Variants in BCO1 observed in about 807,000 individuals in gnomAD.
The protein encoded by BCO1 is beta-carotene oxygenase 1.
A neutral mutation model predicts 56.3 loss-of-function variants in BCO1; 54 were observed. The observed-to-expected ratio is 0.96, with a 90% confidence interval of 0.77 to 1.20. The LOEUF is 1.20. Ranked by LOEUF, BCO1 falls within the 50% of genes most tolerant of loss-of-function variation. The pLI is 0.00. For missense variants in BCO1, 801 were observed against 690.9 expected, an observed-to-expected ratio of 1.16 and a Z score of -1.79; for synonymous variants, 318 against 266.1, an observed-to-expected ratio of 1.20 and a Z score of -1.90.
chr16:81,290,788 A>C lies in BCO1; in HGVS notation c.*211A>C. ...TTGTTTGAAAGTCAAACATTTGAAC[A>C]TCAAATATGTATTGATTAGATCCAG... is the stretch of plus-strand genomic sequence containing the variant. On this transcript the variant is annotated 3_prime_UTR_variant, in exon 11 of 11. Transcript: ENST00000258168. 1 of 570,602 alleles carries C rather than the reference A, an allele frequency of 1.8e-6. No homozygotes were observed. Among genetic ancestry groups the C allele is most frequent in the East Asian group, 2.9e-5 (1 of 34,556 alleles). The allele number at this position is 570,602 out of a possible 1,614,324, so 35.3% of individuals were successfully genotyped here.
At chr16:81,282,672 C>T (rs1441841230) in intron 8 of BCO1, among the ~76,000 whole-genome samples, 2 of 151,838 alleles carry the variant, frequency 1.3e-5, no homozygotes, top group African/African-American at 4.8e-5. Flanking sequence ...CCACCACATC[C>T]CTTTTTTTTT....
intron 4 of BCO1, chr16:81,263,790 C>T (rs1300755912): frequency 6.6e-6 from 1 of 152,228 alleles, no homozygotes; most frequent in Non-Finnish European, 1.5e-5. Context: ...TTTCAATTTT[C>T]TCCAGCTGGC....
intron 7 of BCO1, among the ~76,000 whole-genome samples, chr16:81,271,754 C>A (rs1217999794): frequency 6.6e-6 from 1 of 151,774 alleles, no homozygotes; most frequent in Non-Finnish European, 1.5e-5. Context: ...TTGGTTTTTG[C>A]TTGTTTGTTT....
Position 81,290,690 on chromosome 16 carries a change from G to T in BCO1, c.*113G>T, listed in dbSNP as rs953593572. On this transcript the variant is annotated 3_prime_UTR_variant, in exon 11 of 11. Transcript: ENST00000258168. ...ACCTTTTGCACTTATTCTTTCTGTG[G>T]GTGCTTTGACAAGGGCATGGCAAGA... is the stretch of plus-strand genomic sequence containing the variant. 4 of 817,172 alleles carry T rather than the reference G, an allele frequency of 4.9e-6. No homozygotes were observed. The highest frequency in any genetic ancestry group is 7.8e-6 in the Non-Finnish European group (4 of 514,734). 50.6% of individuals were successfully genotyped at this position (817,172 alleles called of 1,614,324 possible).
chr16:81,273,073 G>A (rs577713268), intron 7 of BCO1, among the ~76,000 whole-genome samples: 2 of 152,166 alleles, frequency 1.3e-5, no homozygotes, highest in Admixed American at 6.5e-5. Context: ...GGGTTCTAGC[G>A]ATTCTCCTGT....
At chr16:81,287,753 C>T (rs994589942) in intron 10 of BCO1, among the ~76,000 whole-genome samples, 2 of 152,126 alleles carry the variant, frequency 1.3e-5, no homozygotes, top group Non-Finnish European at 2.9e-5. Flanking sequence ...CAAGACAGAG[C>T]CCAGCAGGGA....
At chr16:81,278,781 C>T (rs1907701243) in intron 7 of BCO1, among the ~76,000 whole-genome samples, 1 of 152,150 alleles carries the variant, frequency 6.6e-6, no homozygotes. Context: ...AATGCAAAGG[C>T]CCCAGGCACA....
intron 7 of BCO1, among the ~76,000 whole-genome samples, chr16:81,276,814 CCCAG>C (rs1907584107): frequency 6.6e-6 from 1 of 151,964 alleles, no homozygotes; most frequent in South Asian, 2.1e-4. Flanking sequence ...CGCGTGTAAA[CCCAG>C]CACTTTGGGA....
intron 8 of BCO1, among the ~76,000 whole-genome samples, chr16:81,284,348 A>G (rs1908054671): frequency 6.6e-6 from 1 of 151,208 alleles, no homozygotes; most frequent in Non-Finnish European, 1.5e-5. Flanking sequence ...ATGTAAAAAT[A>G]ATAAGCATGA....
At chr16:81,281,898 T>C (rs12928770) in intron 8 of BCO1, among the ~76,000 whole-genome samples, 1,862 of 152,330 alleles carry the variant, frequency 0.012, 24 homozygotes, top group Middle Eastern at 0.024. Context: ...ACCATTGCCA[T>C]GATGGAGAAC....
Position 81,275,855 on chromosome 16 carries a change from C to A in BCO1, c.1102-5002C>A, listed in dbSNP as rs558366402. On this transcript the variant is annotated intron_variant, in intron 7 of 10. Transcript: ENST00000258168. Reference sequence around the variant, plus strand: ...AGGCAGGGCTGGCAGGGCCTCTGGGCACCGTGGGCCTGTTTACGCAGGGCG... The same window carrying A: ...AGGCAGGGCTGGCAGGGCCTCTGGGAACCGTGGGCCTGTTTACGCAGGGCG... 5.9e-5 allele frequency among the ~76,000 whole-genome samples: 9 copies of A among 152,238 alleles called. No individual in the cohort carries two copies. The South Asian group carries it at 1.9e-3, about 32-fold the overall frequency.
At position 81,267,940 on chromosome 16, in the gene BCO1, C is replaced by G; in HGVS notation, c.652C>G (p.His218Asp). ...GAAGCAGGGGAAGAGCCCCTGGAAGCACACAGAGGTGTTCTGCTCCATCCC... is the reference window on the plus strand; with the variant it reads ...GAAGCAGGGGAAGAGCCCCTGGAAGGACACAGAGGTGTTCTGCTCCATCCC... The part of the protein sequence containing the change: ...GKKQGKSPWK[H>D]TEVFCSIPSR... The change falls in exon 6 of 11, where the codon CAC (histidine) becomes GAC (aspartate). Residue 218 changes from histidine to aspartate, a missense_variant. Coordinates refer to ENST00000258168, the MANE Select transcript of BCO1 (RefSeq NM_017429.3). The G allele has an allele frequency of 6.2e-7, 1 of 1,613,950 alleles. No individual in the cohort carries two copies. The highest frequency in any genetic ancestry group is 8.5e-7 in the Non-Finnish European group (1 of 1,180,018).
Position 81,264,881 on chromosome 16 carries a change from G to A in BCO1, c.619+94G>A, listed in dbSNP as rs531685028. On this transcript the variant is annotated intron_variant, in intron 5 of 10. Coordinates refer to ENST00000258168, the MANE Select transcript of BCO1 (RefSeq NM_017429.3). ...TTTCGTTGATGACACAAGATCCAGT[G>A]TGGTACTTTCTCCCGTAGATTATTG... 85 of 1,414,436 alleles carry A rather than the reference G, an allele frequency of 6.0e-5. No homozygotes were observed. In the African/African-American group the frequency reaches 1.1e-3, roughly 19 times the overall value. The allele number at this position is 1,414,436 out of a possible 1,614,324, so 87.6% of individuals were successfully genotyped here.
At chr16:81,262,731 G>A (rs1434985901) in intron 4 of BCO1, 1 of 278,682 alleles carries the variant, frequency 3.6e-6, no homozygotes, top group African/African-American at 2.2e-5. Context: ...TGAGGCTGAG[G>A]CAGGAGAATC....
Position 81,259,690 on chromosome 16 carries a change from A to G in BCO1, c.208A>G (p.Arg70Gly), listed in dbSNP as rs747623587. The change falls in exon 3 of 11, where the codon AGG becomes GGG. Residue 70 changes from arginine (R) to glycine (G), a missense_variant. Coordinates refer to ENST00000258168, the MANE Select transcript of BCO1 (RefSeq NM_017429.3). ...TTCTCTTGCAGGTGAAGTCTATTAC[A>G]GGAGCAAATACCTGAGAAGCGATAC... ...FTIRDGEVYY[R>G]SKYLRSDTYN... 2.5e-6 allele frequency: 4 copies of G among 1,614,232 alleles called. No homozygotes were observed.
intron 2 of BCO1, among the ~76,000 whole-genome samples, chr16:81,256,086 G>A (rs1056998324): frequency 9.9e-5 from 15 of 151,814 alleles, no homozygotes; most frequent in African/African-American, 3.1e-4. Flanking sequence ...AAATTGCTAG[G>A]ATTACAGGCA....
Position 81,262,218 on chromosome 16 carries a change from T to C in BCO1, c.406T>C (p.Tyr136His). 1.2e-6 allele frequency: 2 copies of C among 1,613,992 alleles called. No homozygotes were observed. Among genetic ancestry groups the C allele is most frequent in the Non-Finnish European group, 1.7e-6 (2 of 1,179,900 alleles). ...CATCATGAAGTGCGGAGAAGACTTC[T>C]ACGCGACCTCAGAGACCAATTACAT... ...INIMKCGEDF[Y>H]ATSETNYIRK... Residue 136 changes from tyrosine (Y) to histidine (H), a missense_variant, in exon 4 of 11, where the codon TAC becomes CAC. Tyr to His is a moderately conservative substitution (Grantham distance 83, BLOSUM62 2). Transcript: ENST00000258168.
At chr16:81,245,755 C>T (rs1905368589) in intron 2 of BCO1, 152 bp downstream of exon 2, 1 of 933,754 alleles carries the variant, frequency 1.1e-6, no homozygotes, top group Non-Finnish European at 1.6e-6. Context: ...CATAGGGCCA[C>T]ATTCAGTTCT....
intron 2 of BCO1, among the ~76,000 whole-genome samples, chr16:81,251,874 A>ATGTCTG (rs1555554312): frequency 2.0e-5 from 3 of 146,694 alleles, no homozygotes; most frequent in Non-Finnish European, 4.5e-5. Flanking sequence ...ACACACATAT[A>ATGTCTG]TGTGTGTGTG....
Sources: allele counts gnomAD v4.1 joint callset (sites outside exome capture counted in the v4.1 genomes callset), GRCh38; gene constraint gnomAD v4.1.1; transcripts MANE v1.5; gene names NCBI Gene and HGNC (gene_info 2026-07-23, HGNC 2026-07-21).